Variants in SYT9 observed in about 807,000 individuals in gnomAD.
The protein encoded by SYT9 is synaptotagmin-9.
In SYT9, 22 loss-of-function variants were observed where a neutral mutation model predicts 48.4. The ratio of observed to expected loss-of-function variants is 0.45; its 90% CI spans 0.32 to 0.65. SYT9 has a LOEUF of 0.65. SYT9 is among the 30% of genes least tolerant of loss of function. SYT9 has a pLI of 0.03. For missense variants in SYT9, 577 were observed against 622.0 expected, an observed-to-expected ratio of 0.93 and a Z score of 0.77; for synonymous variants, 265 against 245.0, an observed-to-expected ratio of 1.08 and a Z score of -0.76.
At chr11:7,320,633 G>C (rs1849320431) in intron 3 of SYT9, among the ~76,000 whole-genome samples, 1 of 152,292 alleles carries the variant, frequency 6.6e-6, no homozygotes, top group East Asian at 1.9e-4. Context: ...GTTGGAGGCT[G>C]TTATGCAGAA....
intron 6 of SYT9, among the ~76,000 whole-genome samples, chr11:7,433,793 T>C (rs546844817): frequency 7.9e-5 from 12 of 152,340 alleles, no homozygotes; most frequent in African/African-American, 2.6e-4. Context: ...TCTTGGACTT[T>C]CCAGCCTCAA....
Position 7,357,811 on chromosome 11 carries a change from G to A in SYT9, c.1044+43870G>A, listed in dbSNP as rs528589617. 3.3e-5 allele frequency among the ~76,000 whole-genome samples: 5 copies of A among 152,164 alleles called. No individual in the cohort carries two copies. The South Asian group carries it at 1.0e-3, about 32-fold the overall frequency. ...GTTATCCAGCTCTATGAAAACCAAT[G>A]TAACCATTTTTATTTTAAAAACTGC... On this transcript the variant is annotated intron_variant, in intron 3 of 6. Transcript: ENST00000318881.
intron 3 of SYT9, among the ~76,000 whole-genome samples, chr11:7,337,948 C>G (rs1224100070): frequency 6.6e-6 from 1 of 152,298 alleles, no homozygotes; most frequent in South Asian, 2.1e-4. Context: ...ACCAGCTCTT[C>G]TTTGTACATC....
At chr11:7,264,751 G>C (rs947564356) in intron 1 of SYT9, among the ~76,000 whole-genome samples, 5 of 152,024 alleles carry the variant, frequency 3.3e-5, no homozygotes, top group African/African-American at 9.7e-5. Context: ...GAAGACAGGA[G>C]CTCAAAGAAC....
chr11:7,302,446 C>T (rs1307886274), intron 1 of SYT9, among the ~76,000 whole-genome samples: 1 of 152,186 alleles, frequency 6.6e-6, no homozygotes, highest in Non-Finnish European at 1.5e-5. Flanking sequence ...ATATTCTATC[C>T]TGCGTCCTGA....
At chr11:7,251,791 T>C (rs1048002390), upstream of SYT9, among the ~76,000 whole-genome samples, 2 of 151,528 alleles carry the variant, frequency 1.3e-5, no homozygotes, top group African/African-American at 2.4e-5. Context: ...AGCCGGGGAG[T>C]ACCCCAGGTC....
At chr11:7,299,191 A>G (rs942250233) in intron 1 of SYT9, among the ~76,000 whole-genome samples, 1 of 152,198 alleles carries the variant, frequency 6.6e-6, no homozygotes, top group Admixed American at 6.5e-5. Context: ...CTACCACCTA[A>G]CTTAAGAAAT....
intron 3 of SYT9, among the ~76,000 whole-genome samples, chr11:7,366,016 G>T (rs1850234390): frequency 6.6e-6 from 1 of 152,152 alleles, no homozygotes; most frequent in African/African-American, 2.4e-5. Flanking sequence ...ACTTGCTTTG[G>T]TTACTTACCC....
rs1157871815 is a variant in SYT9 at position 7,468,965 on chromosome 11, A to T, written c.*2165A>T. 6.7e-6 allele frequency: 1 copy of T among 148,772 alleles called. No homozygotes were observed. Among genetic ancestry groups the T allele is most frequent in the African/African-American group, 2.5e-5 (1 of 39,758 alleles). The allele number at this position is 148,772 out of a possible 1,614,324, so 9.2% of individuals were successfully genotyped here. A position where few individuals can be genotyped will look rare whatever the true frequency, so the allele number is the denominator to read the frequency against. ...TTATAAATTTGAACTCCCTCAGCCC[A>T]TTTGCAACTCTGCCTCTGTTCTCTT... On this transcript the variant is annotated 3_prime_UTR_variant, in exon 7 of 7. Coordinates refer to ENST00000318881, the MANE Select transcript of SYT9 (RefSeq NM_175733.4).
chr11:7,332,806 C>A (rs949131669), intron 3 of SYT9, among the ~76,000 whole-genome samples: 10 of 152,120 alleles, frequency 6.6e-5, no homozygotes, highest in Admixed American at 2.0e-4. Flanking sequence ...ATGAAAAAAA[C>A]AAATCTTCTA....
At chr11:7,401,006 T>C (rs1450717769) in intron 3 of SYT9, among the ~76,000 whole-genome samples, 1 of 152,096 alleles carries the variant, frequency 6.6e-6, no homozygotes, top group Non-Finnish European at 1.5e-5. Context: ...TAATGGCATG[T>C]CATTATTTTA....
At chr11:7,260,117 G>A (rs2119808109) in intron 1 of SYT9, among the ~76,000 whole-genome samples, 1 of 152,040 alleles carries the variant, frequency 6.6e-6, no homozygotes, top group East Asian at 1.9e-4. Flanking sequence ...TTTATTGAGG[G>A]CCCCTTAAGT....
intron 3 of SYT9, among the ~76,000 whole-genome samples, chr11:7,370,499 A>C (rs1053078064): frequency 6.6e-6 from 1 of 152,170 alleles, no homozygotes; most frequent in Admixed American, 6.5e-5. Context: ...GTAATGTTTC[A>C]AAATTAGACT....
intron 3 of SYT9, among the ~76,000 whole-genome samples, chr11:7,347,235 T>A (rs1849815273): frequency 1.1e-5 from 1 of 91,406 alleles, no homozygotes; most frequent in Admixed American, 1.0e-4. Context: ...TTCATCAAAA[T>A]ATTTTTTTTT....
intron 3 of SYT9, among the ~76,000 whole-genome samples, chr11:7,377,941 C>T (rs1353205692): frequency 6.6e-6 from 1 of 151,980 alleles, no homozygotes; most frequent in African/African-American, 2.4e-5. Flanking sequence ...AGGCCATAGC[C>T]CAAGGTAAAA....
At chr11:7,302,373 TA>T (rs1848938099) in intron 1 of SYT9, among the ~76,000 whole-genome samples, 1 of 152,190 alleles carries the variant, frequency 6.6e-6, no homozygotes, top group Admixed American at 6.5e-5. Context: ...CTTCTCCTTC[TA>T]AATAATGCTT....
chr11:7,415,109 G>A (rs1424310668), intron 3 of SYT9, among the ~76,000 whole-genome samples: 2 of 137,606 alleles, frequency 1.5e-5, no homozygotes, highest in East Asian at 4.2e-4. Context: ...GGAGGGAAAT[G>A]GGGAGTCTTT....
At chr11:7,443,372 G>A (rs893234385) in intron 6 of SYT9, among the ~76,000 whole-genome samples, 1 of 152,212 alleles carries the variant, frequency 6.6e-6, no homozygotes, top group African/African-American at 2.4e-5. Flanking sequence ...ACTGTATTCT[G>A]TCTTAGTCAT....
chr11:7,456,765 A>G (rs1848155123), intron 6 of SYT9: 1 of 152,152 alleles, frequency 6.6e-6, no homozygotes, highest in Non-Finnish European at 1.5e-5. Flanking sequence ...GGGACCAGCC[A>G]CCTAGAGTTC....
Sources: gnomAD v4.1 joint callset for allele counts (sites outside exome capture counted in the v4.1 genomes callset) on GRCh38, gnomAD v4.1.1 for gene constraint, MANE v1.5 for transcripts, NCBI Gene and HGNC (gene_info 2026-07-23, HGNC 2026-07-21) for gene names.